Variants in HERC2 observed in about 807,000 individuals in gnomAD.
HERC2 encodes the protein HECT and RLD domain containing E3 ubiquitin protein ligase 2, also known as E3 ubiquitin-protein ligase HERC2.
HERC2 carries 102 observed loss-of-function variants against 537.7 expected under a neutral mutation model. That is an observed-to-expected ratio of 0.19 (90% confidence interval 0.16 to 0.22). The LOEUF (loss-of-function observed/expected upper bound fraction) is 0.22, where lower values mean the gene tolerates loss of function less well. HERC2 is among the 10% of genes least tolerant of loss of function. HERC2 has a pLI of 1.00. For missense variants in HERC2, 4,236 were observed against 6,198.2 expected (o/e 0.68, Z 10.63); for synonymous variants, 2,224 against 2,466.2 (o/e 0.90, Z 2.91).
chr15:28,140,409 C>CT (rs1168197020), intron 78 of HERC2, among the ~76,000 whole-genome samples: 1 of 152,164 alleles, frequency 6.6e-6, no homozygotes, highest in Non-Finnish European at 1.5e-5. Flanking sequence ...GACTACGGCA[C>CT]TCTATAAAGA....
intron 5 of HERC2, among the ~76,000 whole-genome samples, chr15:28,276,401 T>G (rs2075875893): frequency 6.6e-6 from 1 of 152,022 alleles, no homozygotes; most frequent in African/African-American, 2.4e-5. Context: ...GATGGAAATC[T>G]TTGCTCCTAA....
chr15:28,116,492 T>C (rs1225910443), intron 88 of HERC2, among the ~76,000 whole-genome samples, 173 bp downstream of exon 88: 2 of 152,162 alleles, frequency 1.3e-5, no homozygotes, highest in Non-Finnish European at 2.9e-5. Context: ...GCTAGGGTTA[T>C]AGGCGTGAGC....
At chr15:28,209,496 ACCACG>A (rs1228563558) in intron 44 of HERC2, among the ~76,000 whole-genome samples, 3 of 152,068 alleles carry the variant, frequency 2.0e-5, no homozygotes, top group African/African-American at 7.2e-5. Context: ...GGCACCTGCC[ACCACG>A]CCCAGCTAAT....
intron 20 of HERC2, 86 bp downstream of exon 20, chr15:28,254,254 G>T: frequency 1.1e-6 from 1 of 952,160 alleles, no homozygotes; most frequent in Non-Finnish European, 1.6e-6. Context: ...TAGCACTCCG[G>T]CCTGGGCAAC....
chr15:28,319,806 A>G (rs1295563998), intron 2 of HERC2, among the ~76,000 whole-genome samples: 2 of 152,176 alleles, frequency 1.3e-5, no homozygotes, highest in Non-Finnish European at 2.9e-5. Context: ...CAGTTATTAA[A>G]TTACAATTAT....
intron 9 of HERC2, among the ~76,000 whole-genome samples, chr15:28,271,301 T>C (rs2075720727): frequency 6.6e-6 from 1 of 152,208 alleles, no homozygotes; most frequent in Non-Finnish European, 1.5e-5. Context: ...CTACTTTCAT[T>C]TGCAAATTAA....
At chr15:28,295,333 C>T (rs903637494) in intron 3 of HERC2, among the ~76,000 whole-genome samples, 1 of 19,608 alleles carries the variant, frequency 5.1e-5, no homozygotes, top group Non-Finnish European at 1.0e-4. Flanking sequence ...GGGGGGGAGG[C>T]GGTGGGGGGG....
At position 28,153,369 on chromosome 15, in the gene HERC2, T is replaced by C. The variant is rs150598535; in HGVS notation, c.10747-539A>G. ...ACTGCGTCTCAAACAAAAAAAGTCATTGGGTGGAGCGCAGTGGCTCACACT... is the reference window on the plus strand; with the variant it reads ...ACTGCGTCTCAAACAAAAAAAGTCACTGGGTGGAGCGCAGTGGCTCACACT... On this transcript the variant is annotated intron_variant, in intron 69 of 92. Transcript: ENST00000261609. 5.7e-3 allele frequency among the ~76,000 whole-genome samples: 863 copies of C among 151,392 alleles called. 7 individuals carry two copies. Among genetic ancestry groups the C allele is most frequent in the Admixed American group, 0.017 (253 of 15,184 alleles).
At chr15:28,281,873 C>T (rs932220863) in intron 4 of HERC2, among the ~76,000 whole-genome samples, 4 of 151,970 alleles carry the variant, frequency 2.6e-5, no homozygotes, top group African/African-American at 4.8e-5. Context: ...CTGCATTTGC[C>T]GCTTTTAAAT....
At chr15:28,263,438 T>C (rs1339226941) in intron 14 of HERC2, among the ~76,000 whole-genome samples, 3 of 152,094 alleles carry the variant, frequency 2.0e-5, no homozygotes, top group African/African-American at 7.2e-5. Context: ...GGGCTCAATG[T>C]TAACTGCTTC....
At chr15:28,206,832 CAAAAAA>C (rs71132838) in intron 44 of HERC2, among the ~76,000 whole-genome samples, 2 of 51,440 alleles carry the variant, frequency 3.9e-5, no homozygotes, top group Non-Finnish European at 8.3e-5. Flanking sequence ...GACTCGGTCT[CAAAAAA>C]AAAAAAAAAA....
At chr15:28,214,840 A>G in intron 39 of HERC2, 38 bp from the exon 40 acceptor site, 2 of 1,531,206 alleles carry the variant, frequency 1.3e-6, no homozygotes, top group Non-Finnish European at 1.8e-6. Flanking sequence ...GCATTAAAAA[A>G]AATCTGATGA....
intron 2 of HERC2, among the ~76,000 whole-genome samples, chr15:28,306,825 T>C (rs767796787): frequency 2.0e-5 from 3 of 152,140 alleles, no homozygotes; most frequent in Non-Finnish European, 4.4e-5. Context: ...CCTGTGAAAT[T>C]ATCCATTTCT....
chr15:28,147,189 A>C (rs2142291032), intron 70 of HERC2, among the ~76,000 whole-genome samples: 1 of 152,152 alleles, frequency 6.6e-6, no homozygotes, highest in South Asian at 2.1e-4. Context: ...AAGCAGAGAA[A>C]ACAGGATTTG....
chr15:28,197,071 C>A (rs1411784037), intron 50 of HERC2, among the ~76,000 whole-genome samples: 1 of 152,158 alleles, frequency 6.6e-6, no homozygotes, highest in Non-Finnish European at 1.5e-5. Context: ...AATATTTTAA[C>A]AATCTCTTAA....
At chr15:28,199,996 A>ACT (rs1406952723) in intron 48 of HERC2, among the ~76,000 whole-genome samples, 1 of 151,894 alleles carries the variant, frequency 6.6e-6, no homozygotes, top group Non-Finnish European at 1.5e-5. Context: ...TGAAGTCCCA[A>ACT]CTCCTAATGT....
In HERC2 at chr15:28,113,370, G is replaced by T; in HGVS notation, c.14020-87C>A. 1.4e-6 allele frequency: 2 copies of T among 1,393,870 alleles called. No individual in the cohort carries two copies. The highest frequency in any genetic ancestry group is 2.0e-6 in the Non-Finnish European group (2 of 998,114). The allele number at this position is 1,393,870 out of a possible 1,614,324, so 86.3% of individuals were successfully genotyped here. Reference sequence around the variant, plus strand: ...CCGTCACGCTCCCTCTCTACACCAAGGCCTGTTTGGGGTGGGGAAAGGTCT... The same window carrying T: ...CCGTCACGCTCCCTCTCTACACCAATGCCTGTTTGGGGTGGGGAAAGGTCT... On this transcript the variant is annotated intron_variant, in intron 91 of 92. Coordinates refer to ENST00000261609, the MANE Select transcript of HERC2 (RefSeq NM_004667.6). This position sits in a 1 kb window ranked among gnomAD's most constrained non-coding sequence, Gnocchi z 7.0.
chr15:28,306,896 A>G (rs2076804459), intron 2 of HERC2, among the ~76,000 whole-genome samples: 1 of 152,160 alleles, frequency 6.6e-6, no homozygotes, highest in Non-Finnish European at 1.5e-5. Context: ...GTGCAGTAAC[A>G]TGATCTCAGC....
At chr15:28,203,730 C>T (rs966833981) in intron 45 of HERC2, 3 of 152,058 alleles carry the variant, frequency 2.0e-5, no homozygotes, top group African/African-American at 7.3e-5. Context: ...GGAAAGCCCG[C>T]CTGAGAAAGA....
Sources: allele counts gnomAD v4.1 joint callset (sites outside exome capture counted in the v4.1 genomes callset), GRCh38; gene constraint gnomAD v4.1.1; non-coding constraint Gnocchi (gnomAD v3.1); transcripts MANE v1.5; gene names NCBI Gene and HGNC (gene_info 2026-07-23, HGNC 2026-07-21).